FDFT1: variants seen among roughly 807,000 people sequenced by gnomAD.
The protein encoded by FDFT1 is farnesyl-diphosphate farnesyltransferase 1.
In FDFT1, 68 loss-of-function variants were observed where a neutral mutation model predicts 46.8. That is an observed-to-expected ratio of 1.45 (90% CI 1.19 to 1.78). The LOEUF (loss-of-function observed/expected upper bound fraction) is 1.78. Ranked by LOEUF, FDFT1 falls within the 40% of genes most tolerant of loss-of-function variation. The probability of loss-of-function intolerance (pLI) is 0.00; values close to 1 mark genes in which losing one functional copy is unlikely to be tolerated. For missense variants in FDFT1, 928 were observed against 524.4 expected (o/e 1.77, Z -7.52); for synonymous variants, 351 against 185.1 (o/e 1.90, Z -7.28).
At chr8:11,819,754 T>C (rs560770204) in intron 3 of FDFT1, among the ~76,000 whole-genome samples, 7 of 152,196 alleles carry the variant, frequency 4.6e-5, no homozygotes, top group Admixed American at 3.9e-4. Flanking sequence ...TCCAACCTTT[T>C]CTCAAGGTTT....
chr8:11,799,943 T>TAAA (rs57010317), upstream of FDFT1, among the ~76,000 whole-genome samples: 371 of 130,960 alleles, frequency 2.8e-3, 3 homozygotes, highest in African/African-American at 7.8e-3. Context: ...AGACTCCATT[T>TAAA]AAAAAAAAAA....
chr8:11,806,758 C>T (rs1490695575), intron 1 of FDFT1, among the ~76,000 whole-genome samples: 9 of 152,088 alleles, frequency 5.9e-5, no homozygotes, highest in Non-Finnish European at 1.2e-4. Context: ...CTGTTTCTTT[C>T]ACTCTGAAAT....
intron 4 of FDFT1, among the ~76,000 whole-genome samples, chr8:11,824,556 T>A (rs897543644): frequency 1.8e-4 from 28 of 151,402 alleles, no homozygotes; most frequent in African/African-American, 6.8e-4. Flanking sequence ...GCCCCCTGAG[T>A]AACTGGGACC....
At chr8:11,808,771 C>G (rs1322113955) in intron 1 of FDFT1, 23 bp from the exon 2 acceptor site, 1 of 1,612,026 alleles carries the variant, frequency 6.2e-7, no homozygotes, top group Admixed American at 1.7e-5. Flanking sequence ...TCTCCCACCG[C>G]CGTGTGTGTT....
chr8:11,823,900 C>T (rs554507039), intron 4 of FDFT1, among the ~76,000 whole-genome samples: 1 of 152,250 alleles, frequency 6.6e-6, no homozygotes, highest in East Asian at 1.9e-4. Context: ...CACACCACTA[C>T]ACCAGGCTAA....
chr8:11,836,200 GA>G (rs1811518323), intron 7 of FDFT1, among the ~76,000 whole-genome samples: 1 of 151,472 alleles, frequency 6.6e-6, no homozygotes, highest in African/African-American at 2.4e-5. Context: ...ACTTACCTGA[GA>G]AACTATTCTC....
intron 4 of FDFT1, among the ~76,000 whole-genome samples, chr8:11,825,710 T>TA (rs894442581): frequency 2.7e-5 from 4 of 150,196 alleles, no homozygotes; most frequent in Non-Finnish European, 5.9e-5. Context: ...AAAATAAAAA[T>TA]AAAAAAATGT....
At chr8:11,796,168 C>G (rs185354157) in intron 1 of FDFT1, among the ~76,000 whole-genome samples, 1 of 152,312 alleles carries the variant, frequency 6.6e-6, no homozygotes, top group Non-Finnish European at 1.5e-5. Flanking sequence ...CAAGGCTAAA[C>G]AAAATACAAA....
At chr8:11,834,133 C>A (rs1027641050) in intron 7 of FDFT1, among the ~76,000 whole-genome samples, 1 of 152,216 alleles carries the variant, frequency 6.6e-6, no homozygotes, top group African/African-American at 2.4e-5. Context: ...TCTGTCCGAT[C>A]TCTGGACTTA....
At chr8:11,808,705 C>G in intron 1 of FDFT1, 89 bp from the exon 2 acceptor site, 9 of 1,448,788 alleles carry the variant, frequency 6.2e-6, no homozygotes, top group Non-Finnish European at 8.2e-6. Flanking sequence ...AGCCGCCTGC[C>G]CCAGTCCCAC....
chr8:11,805,823 C>T (rs193081102), intron 1 of FDFT1, among the ~76,000 whole-genome samples: 1 of 152,300 alleles, frequency 6.6e-6, no homozygotes, highest in East Asian at 1.9e-4. Context: ...TTTTCTAAAA[C>T]ACTAAAAATG....
intron 3 of FDFT1, among the ~76,000 whole-genome samples, chr8:11,811,821 G>C (rs1468681171): frequency 1.3e-5 from 2 of 152,196 alleles, no homozygotes; most frequent in African/African-American, 2.4e-5. Context: ...TAAGTTGTGT[G>C]TTTTGCGTGC....
intron 5 of FDFT1, among the ~76,000 whole-genome samples, chr8:11,827,128 A>C (rs1810104382): frequency 6.6e-6 from 1 of 152,136 alleles, no homozygotes. Flanking sequence ...TCCAGCATTT[A>C]CCTTTTGCTT....
At chr8:11,801,787 G>A (rs1806143745), upstream of FDFT1, 2 of 363,334 alleles carry the variant, frequency 5.5e-6, no homozygotes, top group Non-Finnish European at 5.4e-6. Context: ...TCCGCTTCCC[G>A]GGTTCAAGTG....
intron 7 of FDFT1, 48 bp downstream of exon 7, chr8:11,831,718 T>A (rs549794360): frequency 6.8e-7 from 1 of 1,472,502 alleles, no homozygotes; most frequent in Non-Finnish European, 9.5e-7. Context: ...ACTTTTATGA[T>A]TTAGTAATGT....
intron 5 of FDFT1, among the ~76,000 whole-genome samples, chr8:11,829,572 T>C (rs1036656468): frequency 2.0e-5 from 3 of 152,236 alleles, no homozygotes; most frequent in African/African-American, 7.2e-5. Flanking sequence ...AGTACAATTA[T>C]AACTGTTTTT....
chr8:11,807,051 A>C (rs967175299), intron 1 of FDFT1, among the ~76,000 whole-genome samples: 2 of 152,014 alleles, frequency 1.3e-5, no homozygotes, highest in Non-Finnish European at 2.9e-5. Flanking sequence ...AGTTCACTTA[A>C]ACCTCCCACC....
Position 11,839,192 on chromosome 8 carries a change from C to G in FDFT1, c.*583C>G, listed in dbSNP as rs1811987614. 3 of 153,274 alleles carry G rather than the reference C, an allele frequency of 2.0e-5. No individual in the cohort carries two copies. The highest frequency in any genetic ancestry group is 4.8e-5 in the African/African-American group (2 of 41,414). The allele number at this position is 153,274 out of a possible 1,614,324, so 9.5% of individuals were successfully genotyped here. A position where few individuals can be genotyped will look rare whatever the true frequency, so the allele number is the denominator to read the frequency against. On this transcript the variant is annotated 3_prime_UTR_variant, in exon 8 of 8. Coordinates refer to ENST00000220584, the MANE Select transcript of FDFT1 (RefSeq NM_004462.5). ...CGTATTCTCATTTAAAGGAGTTTAGCTTTCAGAGAGAAACAGCAGGATTGC... is the reference window on the plus strand; with the variant it reads ...CGTATTCTCATTTAAAGGAGTTTAGGTTTCAGAGAGAAACAGCAGGATTGC...
chr8:11,821,687 G>T, intron 3 of FDFT1, 63 bp from the exon 4 acceptor site: 2 of 1,576,644 alleles, frequency 1.3e-6, no homozygotes, highest in African/African-American at 1.3e-5. Context: ...TTTGCCTTGT[G>T]ATCTTTGGTG....
Sources: gnomAD v4.1 joint callset for allele counts (sites outside exome capture counted in the v4.1 genomes callset) on GRCh38, gnomAD v4.1.1 for gene constraint, MANE v1.5 for transcripts, NCBI Gene and HGNC (gene_info 2026-07-23, HGNC 2026-07-21) for gene names.